The following PTPRD variants were observed in gnomAD, a reference collection of about 807,000 sequenced individuals.
PTPRD encodes protein tyrosine phosphatase receptor type D, also known as receptor-type tyrosine-protein phosphatase delta.
PTPRD carries 34 observed loss-of-function variants against 214.5 expected under a neutral mutation model. The ratio of observed to expected loss-of-function variants is 0.16; its 90% CI spans 0.12 to 0.21. The LOEUF (loss-of-function observed/expected upper bound fraction) is 0.21. Among genes scored for constraint, PTPRD ranks in the 10% least tolerant of loss-of-function variants. The probability of loss-of-function intolerance (pLI) is 1.00; values close to 1 mark genes in which losing one functional copy is unlikely to be tolerated. For missense variants in PTPRD, 2,545 were observed against 2,398.7 expected (o/e 1.06, Z -1.27); for synonymous variants, 1,128 against 845.7 (o/e 1.33, Z -5.79).
At chr9:9,483,019 T>C (rs567337752) in intron 8 of PTPRD, among the ~76,000 whole-genome samples, 23 of 152,198 alleles carry the variant, frequency 1.5e-4, no homozygotes, top group Non-Finnish European at 3.2e-4. Context: ...AATGAAATCA[T>C]TTTAAATTCT....
At chr9:10,115,843 C>T (rs114920381) in intron 3 of PTPRD, among the ~76,000 whole-genome samples, 166 of 152,038 alleles carry the variant, frequency 1.1e-3, no homozygotes, top group African/African-American at 3.2e-3. Flanking sequence ...ATATCAAAAA[C>T]GGGGTACTAA....
intron 5 of PTPRD, among the ~76,000 whole-genome samples, chr9:9,809,861 C>T (rs944913441): frequency 6.6e-6 from 1 of 152,076 alleles, no homozygotes; most frequent in African/African-American, 2.4e-5. Context: ...GCAAAACATT[C>T]AGGAGGTTGG....
chr9:10,096,950 A>C (rs1346805195), intron 3 of PTPRD, among the ~76,000 whole-genome samples: 1 of 151,948 alleles, frequency 6.6e-6, no homozygotes, highest in East Asian at 1.9e-4. Context: ...TCAGCTTTCT[A>C]CATATGGCTA....
intron 3 of PTPRD, among the ~76,000 whole-genome samples, chr9:10,334,758 T>C (rs1381797824): frequency 6.6e-6 from 1 of 151,546 alleles, no homozygotes; most frequent in East Asian, 2.0e-4. Context: ...ACTTTTCCTT[T>C]GATTGACAGT....
At position 9,792,952 on chromosome 9, in the gene PTPRD, C is replaced by G. The variant is rs536033503; in HGVS notation, c.-367-26101G>C. ...TTTAAGCTTAATAGACTTGGGCAAA[C>G]AGGTATTTTGAATAATCAACACCTC... is the stretch of plus-strand genomic sequence containing the variant. On this transcript the variant is annotated intron_variant, in intron 5 of 45. Transcript: ENST00000381196. Among the ~76,000 whole-genome samples, 190 of 152,066 alleles carry G rather than the reference C, an allele frequency of 1.2e-3. 1 individual carries two copies. The highest frequency in any genetic ancestry group is 4.2e-3 in the South Asian group (20 of 4,802).
At chr9:9,577,947 G>C (rs2089482858) in intron 7 of PTPRD, among the ~76,000 whole-genome samples, 1 of 146,902 alleles carries the variant, frequency 6.8e-6, no homozygotes, top group Non-Finnish European at 1.5e-5. Context: ...TTGGGAGACT[G>C]AGGCCAGAGA....
chr9:9,252,627 G>A (rs116320300), intron 9 of PTPRD, among the ~76,000 whole-genome samples: 1 of 151,934 alleles, frequency 6.6e-6, no homozygotes, highest in Non-Finnish European at 1.5e-5. Flanking sequence ...GACTGCAGGT[G>A]CATACCACAT....
chr9:9,862,745 C>T (rs927580915), intron 5 of PTPRD, among the ~76,000 whole-genome samples: 21 of 151,716 alleles, frequency 1.4e-4, no homozygotes, highest in African/African-American at 4.8e-4. Flanking sequence ...GGGGAGTAGT[C>T]CCTCAAACAC....
intron 8 of PTPRD, among the ~76,000 whole-genome samples, chr9:9,511,335 TG>T (rs1333635723): frequency 1.3e-5 from 2 of 151,776 alleles, no homozygotes; most frequent in Admixed American, 6.6e-5. Context: ...AAGAAGAATC[TG>T]GTAGCTGAGA....
At chr9:10,325,851 T>C (rs1224240973) in intron 3 of PTPRD, among the ~76,000 whole-genome samples, 2 of 151,872 alleles carry the variant, frequency 1.3e-5, no homozygotes, top group Non-Finnish European at 2.9e-5. Context: ...ATAGTAACAA[T>C]TTTGTAAAAG....
chr9:9,750,879 T>C (rs1032370916), intron 6 of PTPRD, among the ~76,000 whole-genome samples: 2 of 152,094 alleles, frequency 1.3e-5, no homozygotes, highest in African/African-American at 4.8e-5. Context: ...CATTTCTGTG[T>C]AGGACATGAA....
chr9:10,435,181 T>C (rs2098709309), intron 2 of PTPRD, among the ~76,000 whole-genome samples: 1 of 151,854 alleles, frequency 6.6e-6, no homozygotes, highest in Non-Finnish European at 1.5e-5. Context: ...AAAAGTACAA[T>C]CTGTGGAAAC....
intron 5 of PTPRD, among the ~76,000 whole-genome samples, chr9:9,926,176 C>G (rs1172488109): frequency 6.6e-6 from 1 of 152,076 alleles, no homozygotes; most frequent in Non-Finnish European, 1.5e-5. Flanking sequence ...TTCTACCTAT[C>G]TTATACTTAC....
chr9:9,494,399 G>A (rs1422482832), intron 8 of PTPRD, among the ~76,000 whole-genome samples: 5 of 152,146 alleles, frequency 3.3e-5, no homozygotes, highest in Admixed American at 6.5e-5. Context: ...GTCAATTAAG[G>A]AGGCAAACAT....
rs7856314 is a variant in PTPRD, at chr9:10,011,462, C to T, written c.-472+22256G>A. Among the ~76,000 whole-genome samples, 464 of 151,936 alleles carry T rather than the reference C, an allele frequency of 3.1e-3. 1 individual carries two copies. Among genetic ancestry groups the T allele is most frequent in the African/African-American group, 0.011 (438 of 41,508 alleles). On this transcript the variant is annotated intron_variant, in intron 4 of 45. Transcript: ENST00000381196. The stretch of plus-strand genomic sequence containing the variant: ...ATTCTAACTCATTTTTTGCTTTTAG[C>T]TGTCGAATGCATAAGTATCTTAAAT...
intron 6 of PTPRD, among the ~76,000 whole-genome samples, chr9:9,745,677 C>A (rs1240281240): frequency 6.6e-6 from 1 of 152,166 alleles, no homozygotes; most frequent in Non-Finnish European, 1.5e-5. Context: ...ATCCTTGTCA[C>A]AGTCTAGATA....
At chr9:9,765,168 TGGCAAAAAAA>T (rs2098696324) in intron 6 of PTPRD, among the ~76,000 whole-genome samples, 1 of 151,870 alleles carries the variant, frequency 6.6e-6, no homozygotes, top group South Asian at 2.1e-4. Flanking sequence ...TGAAAAAGAG[TGGCAAAAAAA>T]ATATCTGGGA....
chr9:10,380,290 G>C (rs927079826), intron 2 of PTPRD, among the ~76,000 whole-genome samples: 1 of 152,008 alleles, frequency 6.6e-6, no homozygotes, highest in East Asian at 1.9e-4. Context: ...AAAATTTCAT[G>C]GATGTTCTTT....
intron 43 of PTPRD, among the ~76,000 whole-genome samples, chr9:8,332,343 AGAGGAATACC>A (rs1378892998): frequency 6.6e-6 from 1 of 152,154 alleles, no homozygotes; most frequent in African/African-American, 2.4e-5. Context: ...CCCATGTCTC[AGAGGAATACC>A]ATTTCTAGCC....
Sources: gnomAD v4.1 joint callset for allele counts (sites outside exome capture counted in the v4.1 genomes callset) on GRCh38, gnomAD v4.1.1 for gene constraint, MANE v1.5 for transcripts, NCBI Gene and HGNC (gene_info 2026-07-23, HGNC 2026-07-21) for gene names.